Variants in ERC1 observed in about 807,000 individuals in gnomAD.
ERC1 encodes RAB6 interacting protein 2.
Under a neutral mutation model 132.0 loss-of-function variants are expected in ERC1, and 56 were observed. That is an observed-to-expected ratio of 0.42 (90% CI 0.34 to 0.53). The LOEUF is 0.53. ERC1 is among the 20% of genes least tolerant of loss of function. The probability of loss-of-function intolerance (pLI) is 0.03; values close to 1 mark genes in which losing one functional copy is unlikely to be tolerated. For missense variants in ERC1, 1,202 were observed against 1,349.9 expected (o/e 0.89, Z 1.72); for synonymous variants, 478 against 476.1 (o/e 1.00, Z -0.05).
chr12:1,392,511 T>C (rs972521448), intron 16 of ERC1, among the ~76,000 whole-genome samples: 2 of 152,206 alleles, frequency 1.3e-5, no homozygotes, highest in Non-Finnish European at 2.9e-5. Context: ...AAGTCACATA[T>C]TTACCTGTTT....
Position 1,219,570 on chromosome 12 carries a change from A to G in ERC1, c.2352-17199A>G, listed in dbSNP as rs1335701038. On this transcript the variant is annotated intron_variant, in intron 12 of 18. Coordinates refer to ENST00000360905, the MANE Select transcript of ERC1 (RefSeq NM_178040.4). ...CTCAAATTACTGCAGCTGTTTTCCAATGGCTATCTGCTTCTATATCACTTC... is the reference window on the plus strand; with the variant it reads ...CTCAAATTACTGCAGCTGTTTTCCAGTGGCTATCTGCTTCTATATCACTTC... Among the ~76,000 whole-genome samples, 4 of 151,620 alleles carry G rather than the reference A, an allele frequency of 2.6e-5. No individual in the cohort carries two copies. In the East Asian group the frequency reaches 5.8e-4, roughly 22 times the overall value.
At chr12:1,007,521 T>TCC (rs1743752681) in intron 1 of ERC1, among the ~76,000 whole-genome samples, 1 of 66,320 alleles carries the variant, frequency 1.5e-5, no homozygotes, top group South Asian at 6.3e-4. Context: ...GGTAATTCTC[T>TCC]CTCTCTCTCT....
At chr12:1,353,920 C>G (rs2085275784) in intron 15 of ERC1, among the ~76,000 whole-genome samples, 1 of 152,110 alleles carries the variant, frequency 6.6e-6, no homozygotes, top group Admixed American at 6.5e-5. Flanking sequence ...CATGTTTTAT[C>G]TCTTCTTATT....
chr12:1,032,993 C>T (rs746266631), intron 2 of ERC1, among the ~76,000 whole-genome samples: 8 of 152,036 alleles, frequency 5.3e-5, no homozygotes, highest in East Asian at 1.9e-4. Context: ...CTGTCTCAGC[C>T]TCTGGAGTAG....
rs544711202 is a variant in ERC1 at position 1,205,306 on chromosome 12, G to T, written c.2351+15254G>T. On this transcript the variant is annotated intron_variant, in intron 12 of 18. Coordinates refer to ENST00000360905, the MANE Select transcript of ERC1 (RefSeq NM_178040.4). ...GATTTCTGATAGGATTCAGAAATGA[G>T]CCTGTTAATATCATATGTGTTTTAC... is the stretch of plus-strand genomic sequence containing the variant. 4.6e-5 allele frequency among the ~76,000 whole-genome samples: 7 copies of T among 151,872 alleles called. No homozygotes were observed. In the East Asian group the frequency reaches 1.4e-3, roughly 29 times the overall value.
chr12:1,205,430 GAT>G (rs1566242071), intron 12 of ERC1, among the ~76,000 whole-genome samples: 1 of 141,624 alleles, frequency 7.1e-6, no homozygotes, highest in African/African-American at 2.6e-5. Context: ...TATATATATA[GAT>G]ATATATTTGC....
At chr12:1,484,882 C>G (rs1188370314) in intron 18 of ERC1, among the ~76,000 whole-genome samples, 5 of 122,150 alleles carry the variant, frequency 4.1e-5, no homozygotes, top group African/African-American at 1.6e-4. Flanking sequence ...CGTGCTGGGT[C>G]TTGTTTTTCT....
At chr12:1,159,719 A>G (rs549401951) in intron 8 of ERC1, among the ~76,000 whole-genome samples, 7 of 152,194 alleles carry the variant, frequency 4.6e-5, no homozygotes, top group African/African-American at 1.7e-4. Context: ...TATGTGTCTA[A>G]ACTGATTTTT....
intron 15 of ERC1, among the ~76,000 whole-genome samples, chr12:1,339,620 C>T (rs1311257095): frequency 6.6e-5 from 10 of 152,154 alleles, no homozygotes; most frequent in Admixed American, 6.5e-4. Flanking sequence ...AGGGTGCCTG[C>T]CCCCATGTAG....
At chr12:1,421,399 A>G (rs1355213141) in intron 17 of ERC1, among the ~76,000 whole-genome samples, 1 of 152,178 alleles carries the variant, frequency 6.6e-6, no homozygotes, top group Non-Finnish European at 1.5e-5. Flanking sequence ...AGGGTCTTCC[A>G]GGATAATTTA....
intron 3 of ERC1, among the ~76,000 whole-genome samples, chr12:1,094,292 A>G (rs1463071583): frequency 6.6e-6 from 1 of 151,860 alleles, no homozygotes; most frequent in Non-Finnish European, 1.5e-5. Flanking sequence ...GTGCTGGGAC[A>G]ACAGGCATGA....
intron 1 of ERC1, among the ~76,000 whole-genome samples, chr12:1,022,082 T>A (rs916883080): frequency 6.6e-6 from 1 of 152,190 alleles, no homozygotes; most frequent in Non-Finnish European, 1.5e-5. Context: ...ATTTTAGAGA[T>A]CCTATCTCTA....
At position 1,083,406 on chromosome 12, in the gene ERC1, T is replaced by C; in HGVS notation, c.912T>C (p.Ala304=). 1 of 1,614,106 alleles carries C rather than the reference T, an allele frequency of 6.2e-7. No individual in the cohort carries two copies. The highest frequency in any genetic ancestry group is 8.5e-7 in the Non-Finnish European group (1 of 1,180,024). Residue 304 remains alanine, a synonymous_variant, in exon 3 of 19, where the codon GCT becomes GCC. Transcript: ENST00000360905. ...RIETQKQTLN[A]RDESIKKLLE... ...AGACTCAAAAGCAGACCCTAAATGC[T>C]CGGGATGAATCCATTAAGAAGCTTC...
intron 14 of ERC1, 148 bp from the exon 15 acceptor site, chr12:1,289,704 C>T: frequency 1.6e-6 from 1 of 611,430 alleles, no homozygotes; most frequent in Non-Finnish European, 2.9e-6. Context: ...TATATACACA[C>T]ACATAACTGA....
intron 15 of ERC1, among the ~76,000 whole-genome samples, chr12:1,296,456 C>T (rs1006823372): frequency 7.6e-6 from 1 of 131,614 alleles, no homozygotes; most frequent in Non-Finnish European, 1.5e-5. Flanking sequence ...TCTTGTCCCC[C>T]AGGCTGGAGT....
intron 8 of ERC1, among the ~76,000 whole-genome samples, chr12:1,165,805 G>A (rs531324997): frequency 5.3e-5 from 8 of 152,100 alleles, no homozygotes; most frequent in East Asian, 1.9e-4. Flanking sequence ...TTTTCCAATC[G>A]AGCTAGAATT....
chr12:1,411,683 G>A (rs185778552), intron 17 of ERC1, among the ~76,000 whole-genome samples: 1 of 152,326 alleles, frequency 6.6e-6, no homozygotes, highest in East Asian at 1.9e-4. Flanking sequence ...AGACCGTGCA[G>A]TAGCTGGATG....
chr12:1,110,325 A>C lies in ERC1; in HGVS notation c.1295A>C (p.His432Pro). The C allele has an allele frequency of 6.2e-7, 1 of 1,606,444 alleles. No individual in the cohort carries two copies. Among genetic ancestry groups the C allele is most frequent in the Non-Finnish European group, 8.5e-7 (1 of 1,177,382 alleles). Residue 432 changes from histidine (H) to proline (P), a missense_variant, in exon 5 of 19, where the codon CAT becomes CCT. By Grantham distance (77) the His-to-Pro change is moderately conservative. Coordinates refer to ENST00000360905, the MANE Select transcript of ERC1 (RefSeq NM_178040.4). Reference protein sequence around the residue: ...EMKQMEVYRSHSKFMKNKVEQ... With the variant: ...EMKQMEVYRSPSKFMKNKVEQ... ...AAGCAAATGGAAGTGTATCGGAGCCATTCTAAATTTATGAAAAATAAGGTA... is the reference window on the plus strand; with the variant it reads ...AAGCAAATGGAAGTGTATCGGAGCCCTTCTAAATTTATGAAAAATAAGGTA...
intron 7 of ERC1, among the ~76,000 whole-genome samples, chr12:1,130,315 A>C (rs568117656): frequency 6.6e-6 from 1 of 152,312 alleles, no homozygotes; most frequent in South Asian, 2.1e-4. Context: ...AGAGAAAGCT[A>C]TAAGGAATTC....
Sources: allele counts gnomAD v4.1 joint callset (sites outside exome capture counted in the v4.1 genomes callset), GRCh38; gene constraint gnomAD v4.1.1; transcripts MANE v1.5; gene names NCBI Gene and HGNC (gene_info 2026-07-23, HGNC 2026-07-21).